The following RBFOX1 variants were observed in gnomAD, a reference collection of about 807,000 sequenced individuals.
RBFOX1 encodes RNA binding protein fox-1 homolog 1.
Under a neutral mutation model 57.7 loss-of-function variants are expected in RBFOX1, and 8 were observed. The ratio of observed to expected loss-of-function variants is 0.14; its 90% CI spans 0.08 to 0.25. The LOEUF is 0.25. Among genes scored for constraint, RBFOX1 ranks in the 10% least tolerant of loss-of-function variants. RBFOX1 has a pLI of 1.00. For missense variants in RBFOX1, 611 were observed against 548.5 expected (o/e 1.11, Z -1.14); for synonymous variants, 326 against 222.4 (o/e 1.47, Z -4.15).
At chr16:5,781,770 C>T (rs568821289) in intron 3 of RBFOX1, among the ~76,000 whole-genome samples, 2 of 152,316 alleles carry the variant, frequency 1.3e-5, no homozygotes, top group East Asian at 3.9e-4. Flanking sequence ...ATTTTCTGTT[C>T]TAGAGGGAGA....
Position 5,413,301 on chromosome 16 carries a change from C to A in RBFOX1, c.220-53915C>A, listed in dbSNP as rs188966943. Among the ~76,000 whole-genome samples the A allele has an allele frequency of 1.2e-4, 18 of 152,290 alleles. No individual in the cohort carries two copies. The South Asian group carries it at 3.7e-3, about 32-fold the overall frequency. ...CAGCATTCTCCAGAGAGCACCATGG[C>A]CCTTTTTCTTTCTTTCGTTTCCCAG... On this transcript the variant is annotated intron_variant, in intron 1 of 2. Transcript: ENST00000585867.
chr16:5,602,635 T>C (rs78041896), downstream of RBFOX1, among the ~76,000 whole-genome samples: 2 of 152,218 alleles, frequency 1.3e-5, no homozygotes, highest in South Asian at 2.1e-4. Context: ...GAAAGGCAGA[T>C]GGAAAGTTCA....
intron 1 of RBFOX1, among the ~76,000 whole-genome samples, chr16:6,230,843 T>C (rs2097453849): frequency 6.6e-6 from 1 of 152,180 alleles, no homozygotes; most frequent in Admixed American, 6.5e-5. Flanking sequence ...AAGAAACATA[T>C]ACATAAACTC....
At chr16:5,282,452 A>T (rs1335471883) in intron 1 of RBFOX1, among the ~76,000 whole-genome samples, 1 of 152,228 alleles carries the variant, frequency 6.6e-6, no homozygotes, top group East Asian at 1.9e-4. Context: ...GCTCAGAAGG[A>T]GACAGGAAAA....
rs372871037 is a variant in RBFOX1 at position 7,363,174 on chromosome 16, C to G, written c.28-154973C>G. Among the ~76,000 whole-genome samples the G allele has an allele frequency of 2.0e-5, 3 of 152,112 alleles. 1 individual carries two copies. The East Asian group carries it at 5.8e-4, about 29-fold the overall frequency. ...TCATTATGAGAGGCTTTGGGAGAGA[C>G]AGAACTGCACAACGGATTGCCGTCA... On this transcript the variant is annotated intron_variant, in intron 4 of 15. Coordinates refer to ENST00000550418, the MANE Select transcript of RBFOX1 (RefSeq NM_018723.4).
At chr16:5,757,437 G>T (rs541894835) in intron 3 of RBFOX1, among the ~76,000 whole-genome samples, 1 of 151,980 alleles carries the variant, frequency 6.6e-6, no homozygotes, top group Admixed American at 6.6e-5. Flanking sequence ...TCACCATTTT[G>T]GCCGGGATGG....
intron 1 of RBFOX1, among the ~76,000 whole-genome samples, chr16:5,387,834 C>G (rs1386972988): frequency 1.3e-5 from 2 of 152,138 alleles, no homozygotes; most frequent in East Asian, 3.9e-4. Flanking sequence ...GGAAGAGTAT[C>G]TGGGATTGTC....
chr16:5,241,602 C>G (rs1009464973), intron 1 of RBFOX1, among the ~76,000 whole-genome samples: 1 of 152,226 alleles, frequency 6.6e-6, no homozygotes, highest in East Asian at 1.9e-4. Context: ...CCTGTCTGAG[C>G]CTTACTGTCT....
intron 4 of RBFOX1, among the ~76,000 whole-genome samples, chr16:7,271,220 C>G (rs908379837): frequency 6.6e-6 from 1 of 152,106 alleles, no homozygotes; most frequent in Non-Finnish European, 1.5e-5. Context: ...CTGTCCCATG[C>G]TTGCCTTTGT....
chr16:6,895,826 A>C (rs2066761132), intron 3 of RBFOX1, among the ~76,000 whole-genome samples: 1 of 152,006 alleles, frequency 6.6e-6, no homozygotes, highest in South Asian at 2.1e-4. Flanking sequence ...ATTTGTTTAA[A>C]CCTCTTGGGA....
intron 1 of RBFOX1, among the ~76,000 whole-genome samples, chr16:6,034,368 G>GAAAAT (rs2095335877): frequency 8.5e-6 from 1 of 117,258 alleles, no homozygotes; most frequent in Non-Finnish European, 1.8e-5. Context: ...GAAAAGAAAA[G>GAAAAT]AAAAGAAAGG....
chr16:6,352,370 T>C (rs1323236747), intron 2 of RBFOX1, among the ~76,000 whole-genome samples: 1 of 152,234 alleles, frequency 6.6e-6, no homozygotes, highest in African/African-American at 2.4e-5. Context: ...GAAATAATGA[T>C]GCCACCTATA....
At chr16:7,535,590 T>C (rs933300811) in intron 5 of RBFOX1, among the ~76,000 whole-genome samples, 3 of 152,204 alleles carry the variant, frequency 2.0e-5, no homozygotes, top group Non-Finnish European at 2.9e-5. Flanking sequence ...CAGATCTTTG[T>C]TCCTTTGTAA....
At chr16:5,944,975 A>AC (rs2059368613) in intron 4 of RBFOX1, among the ~76,000 whole-genome samples, 3 of 134,110 alleles carry the variant, frequency 2.2e-5, no homozygotes, top group African/African-American at 8.1e-5. Context: ...AAAAAAAAAA[A>AC]AAAAAAAAAA....
intron 4 of RBFOX1, among the ~76,000 whole-genome samples, chr16:7,330,350 G>C (rs947687071): frequency 4.2e-5 from 6 of 143,932 alleles, no homozygotes; most frequent in African/African-American, 1.3e-4. Flanking sequence ...ATAATGACAA[G>C]AACAAACAGT....
chr16:5,850,001 T>A (rs1214984883), intron 3 of RBFOX1, among the ~76,000 whole-genome samples: 1 of 152,210 alleles, frequency 6.6e-6, no homozygotes, highest in Admixed American at 6.5e-5. Context: ...GGCTTGTTTC[T>A]CCTTCTAATT....
chr16:6,047,967 T>G (rs1309190567), intron 1 of RBFOX1, among the ~76,000 whole-genome samples: 1 of 152,206 alleles, frequency 6.6e-6, no homozygotes, highest in Non-Finnish European at 1.5e-5. Flanking sequence ...AGGCACATTT[T>G]GCTACGTTAT....
intron 1 of RBFOX1, among the ~76,000 whole-genome samples, chr16:5,332,208 G>T (rs1269335553): frequency 2.0e-5 from 3 of 152,154 alleles, no homozygotes; most frequent in African/African-American, 4.8e-5. Flanking sequence ...AACACCTAAT[G>T]ATAACAGTTA....
At chr16:6,897,954 C>T (rs536811822) in intron 3 of RBFOX1, among the ~76,000 whole-genome samples, 4 of 152,204 alleles carry the variant, frequency 2.6e-5, no homozygotes, top group African/African-American at 9.6e-5. Flanking sequence ...AGGTCGGATC[C>T]CTGTGTTATA....
Sources: gnomAD v4.1 joint callset for allele counts (sites outside exome capture counted in the v4.1 genomes callset) on GRCh38, gnomAD v4.1.1 for gene constraint, MANE v1.5 for transcripts, NCBI Gene and HGNC (gene_info 2026-07-23, HGNC 2026-07-21) for gene names.